Variants in KIAA1328 observed in about 807,000 individuals in gnomAD.
The protein encoded by KIAA1328 is KIAA1328.
A neutral mutation model predicts 68.1 loss-of-function variants in KIAA1328; 52 were observed. The ratio of observed to expected loss-of-function variants is 0.76; its 90% confidence interval spans 0.61 to 0.96. The LOEUF is 0.96. Among genes scored for constraint, KIAA1328 ranks in the 40% least tolerant of loss-of-function variants. The probability of loss-of-function intolerance (pLI) is 0.00; values close to 1 mark genes in which losing one functional copy is unlikely to be tolerated. For missense variants in KIAA1328, 641 were observed against 677.6 expected (o/e 0.95, Z 0.60); for synonymous variants, 232 against 239.4 (o/e 0.97, Z 0.28).
intron 9 of KIAA1328, 76 bp from the exon 10 acceptor site, chr18:37,221,941 C>A: frequency 7.1e-7 from 1 of 1,412,042 alleles, no homozygotes; most frequent in South Asian, 1.2e-5. Context: ...CCTGGACAGC[C>A]CATTTCTGCT....
intron 4 of KIAA1328, among the ~76,000 whole-genome samples, chr18:36,854,611 C>G (rs2047323775): frequency 6.6e-6 from 1 of 152,018 alleles, no homozygotes; most frequent in African/African-American, 2.4e-5. Flanking sequence ...AGCTTTTGTT[C>G]CATTGGGAAT....
intron 7 of KIAA1328, among the ~76,000 whole-genome samples, 176 bp downstream of exon 7, chr18:37,067,721 G>A (rs1355482357): frequency 6.6e-6 from 1 of 151,926 alleles, no homozygotes; most frequent in Admixed American, 6.6e-5. Context: ...CACCATGCCC[G>A]GCTAATTTTT....
At chr18:37,230,735 G>A (rs1402108532), downstream of KIAA1328, 1 of 152,172 alleles carries the variant, frequency 6.6e-6, no homozygotes, top group Non-Finnish European at 1.5e-5. Flanking sequence ...CAAGTAGAAA[G>A]TAAGTGCCAT....
intron 4 of KIAA1328, among the ~76,000 whole-genome samples, chr18:36,862,294 T>G (rs1318736812): frequency 2.0e-5 from 3 of 152,102 alleles, no homozygotes; most frequent in Non-Finnish European, 4.4e-5. Flanking sequence ...ATTGCCATAG[T>G]CAAGATATGA....
At chr18:36,889,789 C>T (rs1201462921) in intron 5 of KIAA1328, among the ~76,000 whole-genome samples, 2 of 152,066 alleles carry the variant, frequency 1.3e-5, no homozygotes, top group Non-Finnish European at 2.9e-5. Context: ...AGATGACTAA[C>T]CCAGGTTTCT....
At chr18:36,909,989 G>C (rs1395298408) in intron 5 of KIAA1328, among the ~76,000 whole-genome samples, 1 of 151,814 alleles carries the variant, frequency 6.6e-6, no homozygotes, top group Non-Finnish European at 1.5e-5. Context: ...TGTTTTTTTT[G>C]TGTAAATTTG....
At chr18:37,008,492 A>G (rs2151480380) in intron 6 of KIAA1328, among the ~76,000 whole-genome samples, 1 of 152,368 alleles carries the variant, frequency 6.6e-6, no homozygotes, top group African/African-American at 2.4e-5. Flanking sequence ...TCCAGGATAT[A>G]ATTCAAAATA....
At chr18:36,889,899 T>C (rs868257622) in intron 5 of KIAA1328, among the ~76,000 whole-genome samples, 1 of 152,208 alleles carries the variant, frequency 6.6e-6, no homozygotes, top group Non-Finnish European at 1.5e-5. Flanking sequence ...AATTGGTCTT[T>C]CCTCTGCTTT....
chr18:36,922,900 C>T (rs1461768183), intron 5 of KIAA1328, among the ~76,000 whole-genome samples: 1 of 151,610 alleles, frequency 6.6e-6, no homozygotes, highest in African/African-American at 2.4e-5. Context: ...AGTCTTGGTG[C>T]CTTTTGTTAT....
rs991211815 is a variant in KIAA1328 at position 37,084,084 on chromosome 18, G to A, written c.1232+16539G>A. The A allele has an allele frequency of 6.5e-6, 8 of 1,234,636 alleles. No homozygotes were observed. The African/African-American group carries it at 1.1e-4, about 17-fold the overall frequency. The allele number at this position is 1,234,636 out of a possible 1,614,324, so 76.5% of individuals were successfully genotyped here. On this transcript the variant is annotated intron_variant, in intron 7 of 9. Coordinates refer to ENST00000280020, the MANE Select transcript of KIAA1328 (RefSeq NM_020776.3). ...CCAAAATTTATCATTCAGGTTATCAGGCTTCACAAGATTAGAAATTTTTTA... is the reference window on the plus strand; with the variant it reads ...CCAAAATTTATCATTCAGGTTATCAAGCTTCACAAGATTAGAAATTTTTTA...
intron 3 of KIAA1328, among the ~76,000 whole-genome samples, chr18:36,839,315 T>C (rs1441513487): frequency 1.3e-5 from 2 of 152,190 alleles, no homozygotes; most frequent in Non-Finnish European, 2.9e-5. Flanking sequence ...TCAAATTCAT[T>C]AACCTTCTGC....
chr18:37,162,242 C>CT (rs965238896), intron 8 of KIAA1328, among the ~76,000 whole-genome samples: 22 of 150,156 alleles, frequency 1.5e-4, no homozygotes, highest in African/African-American at 5.1e-4. Flanking sequence ...TTTTTTTCCC[C>CT]TTTTTTTGTG....
chr18:37,200,789 G>T (rs2060096108), intron 9 of KIAA1328, among the ~76,000 whole-genome samples: 2 of 147,640 alleles, frequency 1.4e-5, no homozygotes, highest in African/African-American at 5.0e-5. Flanking sequence ...CCGCAGTCCG[G>T]CCTGGGCGAC....
intron 6 of KIAA1328, among the ~76,000 whole-genome samples, chr18:36,968,141 G>C (rs2052020831): frequency 6.6e-6 from 1 of 151,890 alleles, no homozygotes; most frequent in Non-Finnish European, 1.5e-5. Flanking sequence ...ATATGGAAAG[G>C]AAAGACCAGC....
chr18:36,932,824 C>T (rs1357955035), intron 5 of KIAA1328, among the ~76,000 whole-genome samples: 2 of 152,200 alleles, frequency 1.3e-5, no homozygotes, highest in Non-Finnish European at 2.9e-5. Flanking sequence ...TCTCCATAGG[C>T]ATCAGTACCT....
At chr18:37,196,098 A>G (rs1276835758) in intron 9 of KIAA1328, among the ~76,000 whole-genome samples, 2 of 152,024 alleles carry the variant, frequency 1.3e-5, no homozygotes, top group African/African-American at 2.4e-5. Flanking sequence ...ATTGATTGCT[A>G]TTATAGTATG....
At chr18:37,104,743 T>C (rs967966248) in intron 7 of KIAA1328, among the ~76,000 whole-genome samples, 1 of 151,930 alleles carries the variant, frequency 6.6e-6, no homozygotes, top group Non-Finnish European at 1.5e-5. Context: ...CATCAAAATA[T>C]ATGTACCCCA....
chr18:37,035,330 C>G (rs1048005761), intron 6 of KIAA1328, among the ~76,000 whole-genome samples: 2 of 152,216 alleles, frequency 1.3e-5, no homozygotes, highest in Non-Finnish European at 2.9e-5. Flanking sequence ...TCCTCAGGCC[C>G]TACTCCATAC....
chr18:37,018,083 T>G (rs764583309), intron 6 of KIAA1328, among the ~76,000 whole-genome samples: 5 of 152,202 alleles, frequency 3.3e-5, no homozygotes, highest in Non-Finnish European at 7.3e-5. Context: ...GGTGTGTTTT[T>G]GTGGTCACAG....
Sources: gnomAD v4.1 joint callset for allele counts (sites outside exome capture counted in the v4.1 genomes callset) on GRCh38, gnomAD v4.1.1 for gene constraint, MANE v1.5 for transcripts, NCBI Gene and HGNC (gene_info 2026-07-23, HGNC 2026-07-21) for gene names.